The following LRRC8D variants were observed in gnomAD, a reference collection of about 807,000 sequenced individuals.
The protein encoded by LRRC8D is leucine rich repeat containing 8 VRAC subunit D.
Under a neutral mutation model 55.8 loss-of-function variants are expected in LRRC8D, and 20 were observed. The ratio of observed to expected loss-of-function variants is 0.36; its 90% CI spans 0.25 to 0.52. LRRC8D has a LOEUF of 0.52. Ranked by LOEUF, LRRC8D falls within the 20% of genes least tolerant of loss-of-function variation. The pLI is 0.93. For missense variants in LRRC8D, 651 were observed against 1,030.8 expected (o/e 0.63, Z 5.05); for synonymous variants, 352 against 377.0 (o/e 0.93, Z 0.77).
At position 89,870,792 on chromosome 1, in the gene LRRC8D, G is replaced by A. The variant is rs188979915; in HGVS notation, c.-3+27010G>A. 2.0e-5 allele frequency among the ~76,000 whole-genome samples: 3 copies of A among 152,288 alleles called. No homozygotes were observed. In the East Asian group the frequency reaches 5.8e-4, roughly 29 times the overall value. On this transcript the variant is annotated intron_variant, in intron 2 of 2. Transcript: ENST00000337338. ...TAGAACTTTAAGGAAAACACATGTA[G>A]GAGGCAGTGACCAGGGGTACTTGGA...
chr1:89,881,740 C>T (rs1044460946), intron 2 of LRRC8D, among the ~76,000 whole-genome samples: 5 of 152,080 alleles, frequency 3.3e-5, no homozygotes, highest in Non-Finnish European at 7.3e-5. Context: ...ATTGTGATTT[C>T]CATCCATTAA....
chr1:89,919,693 C>A (rs1663364744), intron 2 of LRRC8D, among the ~76,000 whole-genome samples: 1 of 152,110 alleles, frequency 6.6e-6, no homozygotes, highest in Admixed American at 6.5e-5. Context: ...TTCTCTGGAG[C>A]CTTTATTAAG....
chr1:89,911,900 C>T lies in LRRC8D; in HGVS notation c.-2-21167C>T, dbSNP rs1364071406. Among the ~76,000 whole-genome samples, 1 of 152,068 alleles carries T rather than the reference C, an allele frequency of 6.6e-6. No individual in the cohort carries two copies. The highest frequency in any genetic ancestry group is 1.5e-5 in the Non-Finnish European group (1 of 67,998). ...TCATAGTTCTTGTCCTCTGACCCAC[C>T]CTTCTTCCTCTCCTCTGCTGAATGC... On this transcript the variant is annotated intron_variant, in intron 2 of 2. Transcript: ENST00000337338. The surrounding 1 kb of genome is among the most constrained non-coding windows in gnomAD (Gnocchi z 4.0).
At chr1:89,925,288 C>A (rs1663529058) in intron 2 of LRRC8D, among the ~76,000 whole-genome samples, 1 of 152,104 alleles carries the variant, frequency 6.6e-6, no homozygotes, top group Non-Finnish European at 1.5e-5. Context: ...CAGATGGGAC[C>A]GTCTAGTTGC....
intron 2 of LRRC8D, among the ~76,000 whole-genome samples, chr1:89,850,887 G>T (rs1329766389): frequency 6.6e-6 from 1 of 152,094 alleles, no homozygotes; most frequent in Non-Finnish European, 1.5e-5. Flanking sequence ...TTATTTTGAG[G>T]CAGATTCCTT....
intron 2 of LRRC8D, among the ~76,000 whole-genome samples, chr1:89,926,550 A>G (rs969987251): frequency 3.3e-5 from 5 of 152,228 alleles, no homozygotes; most frequent in African/African-American, 4.8e-5. Flanking sequence ...GCCTCCTTCA[A>G]TAGCCAACCC....
At chr1:89,833,469 C>A (rs928519279) in intron 1 of LRRC8D, among the ~76,000 whole-genome samples, 4 of 152,164 alleles carry the variant, frequency 2.6e-5, no homozygotes, top group Admixed American at 2.6e-4. Flanking sequence ...ATTTGGTGAG[C>A]TTCTGAGAGC....
chr1:89,890,823 A>G (rs992942486), intron 2 of LRRC8D, among the ~76,000 whole-genome samples: 1 of 152,206 alleles, frequency 6.6e-6, no homozygotes, highest in Non-Finnish European at 1.5e-5. Context: ...GATCCAATTC[A>G]GAATCCCACA....
Position 89,933,432 on chromosome 1 carries a change from C to T in LRRC8D, c.364C>T (p.Leu122Phe), listed in dbSNP as rs1663763001. ...CACATATCCTCGCACAGATTTCGCA[C>T]TTCCAAATCAGGAGGCAAAGAAAGA... ...RATYPRTDFA[L>F]PNQEAKKEKK... is the part of the protein sequence containing the mutation. The change falls in exon 3 of 3, where the codon CTT becomes TTT. Residue 122 changes from leucine (L) to phenylalanine (F), a missense_variant. Physicochemically the swap from Leu to Phe is conservative, Grantham distance 22. This residue lies in a region of LRRC8D where 118 missense variants were observed against 138.0 expected (regional missense o/e 0.85). Transcript: ENST00000337338. This position sits in a 1 kb window ranked among gnomAD's most constrained non-coding sequence, Gnocchi z 7.0. 2 of 1,614,154 alleles carry T rather than the reference C, an allele frequency of 1.2e-6. No homozygotes were observed. Among genetic ancestry groups the T allele is most frequent in the Non-Finnish European group, 1.7e-6 (2 of 1,180,030 alleles).
At chr1:89,872,996 A>G (rs1324520227) in intron 2 of LRRC8D, among the ~76,000 whole-genome samples, 1 of 152,248 alleles carries the variant, frequency 6.6e-6, no homozygotes, top group Admixed American at 6.5e-5. Context: ...ATAAAAATTG[A>G]TATTACAAGC....
At chr1:89,881,999 G>A (rs1216263927) in intron 2 of LRRC8D, among the ~76,000 whole-genome samples, 3 of 152,142 alleles carry the variant, frequency 2.0e-5, no homozygotes, top group African/African-American at 4.8e-5. Flanking sequence ...CACTGGGAGG[G>A]GCTGGGACTC....
intron 2 of LRRC8D, among the ~76,000 whole-genome samples, chr1:89,884,060 A>T (rs1444119937): frequency 6.6e-6 from 1 of 152,238 alleles, no homozygotes; most frequent in African/African-American, 2.4e-5. Flanking sequence ...GCTAGGTTAG[A>T]GCGTGTTTCA....
intron 1 of LRRC8D, among the ~76,000 whole-genome samples, chr1:89,841,572 C>G (rs1163966742): frequency 6.6e-6 from 1 of 152,126 alleles, no homozygotes; most frequent in Non-Finnish European, 1.5e-5. Context: ...TTGTGAACAT[C>G]ATTTGCCACT....
At chr1:89,924,650 A>G (rs575761916) in intron 2 of LRRC8D, among the ~76,000 whole-genome samples, 10 of 152,336 alleles carry the variant, frequency 6.6e-5, no homozygotes, top group Admixed American at 2.0e-4. Context: ...TAGCAAAGAC[A>G]TGTAATCAAC....
chr1:89,838,365 A>T (rs1661051264), intron 1 of LRRC8D, among the ~76,000 whole-genome samples: 2 of 152,012 alleles, frequency 1.3e-5, no homozygotes, highest in African/African-American at 4.8e-5. Context: ...ACAGAGTGAG[A>T]CTCTGTCTCA....
At chr1:89,878,986 GTC>G (rs1223220400) in intron 2 of LRRC8D, among the ~76,000 whole-genome samples, 15 of 132,864 alleles carry the variant, frequency 1.1e-4, no homozygotes, top group African/African-American at 4.2e-4. Context: ...AAAAAAAAAA[GTC>G]TCTAATGAGA....
intron 2 of LRRC8D, among the ~76,000 whole-genome samples, chr1:89,891,499 T>C (rs1330675948): frequency 6.6e-6 from 1 of 152,230 alleles, no homozygotes; most frequent in Non-Finnish European, 1.5e-5. Flanking sequence ...TATGCAGATA[T>C]CCTGTTTCTC....
At position 89,915,472 on chromosome 1, in the gene LRRC8D, G is replaced by A. The variant is rs185254853; in HGVS notation, c.-2-17595G>A. Among the ~76,000 whole-genome samples, 23 of 152,282 alleles carry A rather than the reference G, an allele frequency of 1.5e-4. 1 individual carries two copies. In the East Asian group the frequency reaches 2.5e-3, roughly 17 times the overall value. ...TAATTACTCCAATAATGATCACATC[G>A]TAGATAGATAAATTCTATCACTTGT... On this transcript the variant is annotated intron_variant, in intron 2 of 2. Coordinates refer to ENST00000337338, the MANE Select transcript of LRRC8D (RefSeq NM_001134479.2).
chr1:89,906,492 C>T (rs940604759), intron 2 of LRRC8D, among the ~76,000 whole-genome samples: 24 of 152,160 alleles, frequency 1.6e-4, no homozygotes, highest in African/African-American at 5.5e-4. Flanking sequence ...TCTATTTTCC[C>T]CAACTTCTGT....
Sources: allele counts gnomAD v4.1 joint callset (sites outside exome capture counted in the v4.1 genomes callset), GRCh38; gene constraint gnomAD v4.1.1; regional missense constraint gnomAD v4.1.1; non-coding constraint Gnocchi (gnomAD v3.1); transcripts MANE v1.5; gene names NCBI Gene and HGNC (gene_info 2026-07-23, HGNC 2026-07-21).